The following BTNL9 variants were observed in gnomAD, a reference collection of about 807,000 sequenced individuals.
BTNL9 encodes the protein butyrophilin like 9.
Under a neutral mutation model 45.8 loss-of-function variants are expected in BTNL9, and 45 were observed. The ratio of observed to expected loss-of-function variants is 0.98; its 90% CI spans 0.77 to 1.26. BTNL9 has a LOEUF of 1.26. Among genes scored for constraint, BTNL9 ranks in the 50% most tolerant of loss-of-function variants. BTNL9 has a pLI of 0.00. For synonymous variants in BTNL9, 346 were observed against 330.8 expected (o/e 1.05, Z -0.50); for missense variants, 784 against 729.7 (o/e 1.07, Z -0.86).
In BTNL9 at chr5:181,048,192, C is replaced by T. The variant is rs1333530904; in HGVS notation, c.375C>T (p.Pro125=). ...TCCTGCAGCTTCACAGCATCATCCC[C>T]TCTGACAAGGGCACATATGGCTGCC... ...SVVLQLHSII[P]SDKGTYGCRF... is the part of the protein sequence containing the mutation. Residue 125 remains proline (P), a synonymous_variant, in exon 3 of 11, where the codon CCC becomes CCT. Coordinates refer to ENST00000327705, the MANE Select transcript of BTNL9 (RefSeq NM_152547.5). 1.2e-6 allele frequency: 2 copies of T among 1,613,500 alleles called. No homozygotes were observed. Among genetic ancestry groups the T allele is most frequent in the African/African-American group, 2.7e-5 (2 of 75,056 alleles).
rs1045381195 is a variant in BTNL9, at chr5:181,042,082, G to A, written c.-24+1650G>A. 3.9e-5 allele frequency among the ~76,000 whole-genome samples: 6 copies of A among 152,194 alleles called. No homozygotes were observed. The highest frequency in any genetic ancestry group is 1.2e-4 in the African/African-American group (5 of 41,444). On this transcript the variant is annotated intron_variant, in intron 1 of 10. Transcript: ENST00000327705. This position sits in a 1 kb window ranked among gnomAD's most constrained non-coding sequence, Gnocchi z 4.5. ...CAGGAGGAGAGAACAGGAGTGGGGC[G>A]GGCTGGGGGCAATGAGAGAGCAAGA... is the stretch of plus-strand genomic sequence containing the variant.
At chr5:181,040,759 C>T (rs1202008319) in intron 1 of BTNL9, among the ~76,000 whole-genome samples, 2 of 152,112 alleles carry the variant, frequency 1.3e-5, no homozygotes, top group Non-Finnish European at 2.9e-5. Context: ...GTGGACCTAT[C>T]GAAATCAAAC....
rs1035639183 is a variant in BTNL9, at chr5:181,053,865, G to C, written c.886+364G>C. 1.1e-5 allele frequency: 16 copies of C among 1,504,622 alleles called. No individual in the cohort carries two copies. The African/African-American group carries it at 1.8e-4, about 17-fold the overall frequency. The allele number at this position is 1,504,622 out of a possible 1,614,324, so 93.2% of individuals were successfully genotyped here. Reference sequence around the variant, plus strand: ...AGCGCACAGGGAGTCGGGCGGATGCGCAACATCTCCGCACAGGGTCAGGAA... The same window carrying C: ...AGCGCACAGGGAGTCGGGCGGATGCCCAACATCTCCGCACAGGGTCAGGAA... On this transcript the variant is annotated intron_variant, in intron 6 of 10. Coordinates refer to ENST00000327705, the MANE Select transcript of BTNL9 (RefSeq NM_152547.5). The surrounding 1 kb of genome is among the most constrained non-coding windows in gnomAD (Gnocchi z 6.5).
chr5:181,054,697 G>C (rs1292825420), intron 7 of BTNL9: 10 of 985,222 alleles, frequency 1.0e-5, no homozygotes, highest in Middle Eastern at 5.2e-4. Context: ...GAGGAAGAGA[G>C]AGTGAACCCA....
rs1395389168 is a variant in BTNL9 at position 181,059,936 on chromosome 5, C to T, written c.*74C>T. ...AGGCCAGCGCTTTGCTCTCCTGCTCCGTCTGAAGGGAGCAGGTGCACCAGC... is the reference window on the plus strand; with the variant it reads ...AGGCCAGCGCTTTGCTCTCCTGCTCTGTCTGAAGGGAGCAGGTGCACCAGC... On this transcript the variant is annotated 3_prime_UTR_variant, in exon 11 of 11. Transcript: ENST00000327705. The T allele has an allele frequency of 2.2e-6, 3 of 1,335,652 alleles. No homozygotes were observed. Among genetic ancestry groups the T allele is most frequent in the Non-Finnish European group, 2.0e-6 (2 of 1,002,664 alleles). The allele number at this position is 1,335,652 out of a possible 1,614,324, so 82.7% of individuals were successfully genotyped here.
Position 181,053,330 on chromosome 5 carries a change from C to A in BTNL9, c.853+14C>A. ...GGAGAAGCCGAGGTACCGGCGCGGGCGGCGGGGCGGGGAGGGGCACCGGCC... is the reference window on the plus strand; with the variant it reads ...GGAGAAGCCGAGGTACCGGCGCGGGAGGCGGGGCGGGGAGGGGCACCGGCC... On this transcript the variant is annotated intron_variant, in intron 5 of 10. Coordinates refer to ENST00000327705, the MANE Select transcript of BTNL9 (RefSeq NM_152547.5). This position sits in a 1 kb window ranked among gnomAD's most constrained non-coding sequence, Gnocchi z 6.5. 3 of 1,535,124 alleles carry A rather than the reference C, an allele frequency of 2.0e-6. No individual in the cohort carries two copies. The highest frequency in any genetic ancestry group is 2.6e-6 in the Non-Finnish European group (3 of 1,141,886).
chr5:181,056,296 T>A (rs1449158727), intron 9 of BTNL9, among the ~76,000 whole-genome samples: 1 of 152,230 alleles, frequency 6.6e-6, no homozygotes, highest in African/African-American at 2.4e-5. Flanking sequence ...TGTGTTGCTG[T>A]ACATGTAAAT....
intron 4 of BTNL9, chr5:181,052,781 A>C (rs1761619538): frequency 6.6e-6 from 1 of 152,108 alleles, no homozygotes; most frequent in South Asian, 2.1e-4. Flanking sequence ...CCGAGGGAGA[A>C]GCCGGATGTT....
intron 4 of BTNL9, among the ~76,000 whole-genome samples, chr5:181,052,072 C>CCCTTGA (rs1175992389): frequency 3.9e-5 from 6 of 151,994 alleles, no homozygotes; most frequent in Middle Eastern, 3.2e-3. Context: ...TGAGCCCTTG[C>CCCTTGA]CCTTGACCCC....
chr5:181,044,375 G>C (rs1467370575), intron 1 of BTNL9, among the ~76,000 whole-genome samples: 21 of 152,224 alleles, frequency 1.4e-4, no homozygotes, highest in Admixed American at 1.4e-3. Context: ...CGGGGAGACA[G>C]AGAGGGTTGG....
chr5:181,055,423 C>T lies in BTNL9; in HGVS notation c.908-10C>T, dbSNP rs1467619251. ...CAGGCTGAAGTTTTCTTTGTGTGTT[C>T]TGCTTGCAGAAAAGCTTCAGACAGA... is the stretch of plus-strand genomic sequence containing the variant. On this transcript the variant is annotated splice_polypyrimidine_tract_variant and intron_variant, in intron 7 of 10. Transcript: ENST00000327705. This position sits in a 1 kb window ranked among gnomAD's most constrained non-coding sequence, Gnocchi z 4.4. 6 of 1,614,128 alleles carry T rather than the reference C, an allele frequency of 3.7e-6. No homozygotes were observed. Among genetic ancestry groups the T allele is most frequent in the Middle Eastern group, 3.3e-4 (2 of 6,062 alleles).
Position 181,053,131 on chromosome 5 carries a change from G to T in BTNL9, c.737-69G>T. On this transcript the variant is annotated intron_variant, in intron 4 of 10. Transcript: ENST00000327705. The surrounding 1 kb of genome is among the most constrained non-coding windows in gnomAD (Gnocchi z 6.5). Reference sequence around the variant, plus strand: ...CGGGAGGTTTCCCGGCACGCGGCGGGCAGGCCGGTCTCGCCTCTCGGTGCT... The same window carrying T: ...CGGGAGGTTTCCCGGCACGCGGCGGTCAGGCCGGTCTCGCCTCTCGGTGCT... 1 of 1,336,244 alleles carries T rather than the reference G, an allele frequency of 7.5e-7. No homozygotes were observed. Among genetic ancestry groups the T allele is most frequent in the Non-Finnish European group, 1.0e-6 (1 of 979,938 alleles). The allele number at this position is 1,336,244 out of a possible 1,614,324, so 82.8% of individuals were successfully genotyped here. A position where few individuals can be genotyped will look rare whatever the true frequency, so the allele number is the denominator to read the frequency against.
intron 1 of BTNL9, 47 bp from the exon 2 acceptor site, chr5:181,045,420 C>A: frequency 1.3e-6 from 1 of 793,876 alleles, no homozygotes; most frequent in Non-Finnish European, 2.0e-6. Flanking sequence ...AGTTCCAGCT[C>A]CCCCTACCTT....
In BTNL9 at chr5:181,059,245, A is replaced by C; in HGVS notation, c.991A>C (p.Thr331Pro). Residue 331 changes from threonine to proline, a missense_variant, in exon 11 of 11, where the codon ACG becomes CCG. By Grantham distance (38) the Thr-to-Pro change is conservative. Coordinates refer to ENST00000327705, the MANE Select transcript of BTNL9 (RefSeq NM_152547.5). ...GCTGTGGCTCTGCGCAGTGGATGTGACGCTGGACCCGGCCTCGGCGCACCC... is the reference window on the plus strand; with the variant it reads ...GCTGTGGCTCTGCGCAGTGGATGTGCCGCTGGACCCGGCCTCGGCGCACCC... ...RAAQKYAVDV[T>P]LDPASAHPSL... 1 of 1,556,552 alleles carries C rather than the reference A, an allele frequency of 6.4e-7. No individual in the cohort carries two copies. The highest frequency in any genetic ancestry group is 1.8e-5 in the Admixed American group (1 of 54,606).
chr5:181,045,658 C>T (rs760391517), intron 2 of BTNL9, 60 bp downstream of exon 2: 64 of 1,336,506 alleles, frequency 4.8e-5, no homozygotes, highest in Non-Finnish European at 6.7e-5. Context: ...GCCAGGTGCT[C>T]CCCAGGGCTA....
At chr5:181,059,146 C>G in intron 10 of BTNL9, 91 bp from the exon 11 acceptor site, 1 of 1,407,842 alleles carries the variant, frequency 7.1e-7, no homozygotes, top group Non-Finnish European at 9.2e-7. Flanking sequence ...ATTATTCCAC[C>G]AAGAGAAACG....
intron 1 of BTNL9, among the ~76,000 whole-genome samples, chr5:181,040,661 C>G (rs578025173): frequency 4.1e-4 from 63 of 152,332 alleles, no homozygotes; most frequent in Admixed American, 9.8e-4. Context: ...ATTGCCCCCA[C>G]CAGACGAAAA....
intron 10 of BTNL9, 71 bp from the exon 11 acceptor site, chr5:181,059,166 T>A: frequency 7.1e-7 from 1 of 1,411,702 alleles, no homozygotes; most frequent in Non-Finnish European, 9.2e-7. Flanking sequence ...GAGAGGTTTG[T>A]CCGCCTTGGG....
At chr5:181,054,341 A>T in intron 7 of BTNL9, 82 bp downstream of exon 7, 1 of 1,582,154 alleles carries the variant, frequency 6.3e-7, no homozygotes. Flanking sequence ...CTCCCTTTGG[A>T]CAGCGGCTGG....
Sources: gnomAD v4.1 joint callset for allele counts (sites outside exome capture counted in the v4.1 genomes callset) on GRCh38, gnomAD v4.1.1 for gene constraint, Gnocchi (gnomAD v3.1) non-coding constraint, MANE v1.5 for transcripts, NCBI Gene and HGNC (gene_info 2026-07-23, HGNC 2026-07-21) for gene names.